Variants in VWA5B1 observed in about 807,000 individuals in gnomAD.
VWA5B1 encodes the protein von Willebrand factor A domain-containing protein 5B1.
In VWA5B1, 115 loss-of-function variants were observed where a neutral mutation model predicts 118.2. The observed-to-expected ratio is 0.97, with a 90% CI of 0.84 to 1.14. The LOEUF is 1.14. Ranked by LOEUF, VWA5B1 falls within the 50% of genes most tolerant of loss-of-function variation. The pLI, the probability that VWA5B1 is intolerant of heterozygous loss-of-function variation, is 0.00. For synonymous variants in VWA5B1, 682 were observed against 658.4 expected, an observed-to-expected ratio of 1.04 and a Z score of -0.55; for missense variants, 1,596 against 1,603.8, an observed-to-expected ratio of 1.00 and a Z score of 0.08.
chr1:20,342,701 G>A, intron 15 of VWA5B1, 92 bp downstream of exon 15: 1 of 1,389,968 alleles, frequency 7.2e-7, no homozygotes. Flanking sequence ...GAGGGCAGAT[G>A]CCTGGGTCTG....
At chr1:20,339,551 A>C (rs2089819343) in intron 14 of VWA5B1, among the ~76,000 whole-genome samples, 1 of 151,594 alleles carries the variant, frequency 6.6e-6, no homozygotes, top group Non-Finnish European at 1.5e-5. Context: ...CTCAAACAAA[A>C]CATCAAACAA....
At chr1:20,315,264 C>T (rs1415993141) in intron 4 of VWA5B1, among the ~76,000 whole-genome samples, 1 of 152,144 alleles carries the variant, frequency 6.6e-6, no homozygotes, top group Non-Finnish European at 1.5e-5. Context: ...CAGAGAAGAA[C>T]AGAAGCACAG....
intron 12 of VWA5B1, among the ~76,000 whole-genome samples, chr1:20,334,698 C>G (rs1490520395): frequency 6.6e-6 from 1 of 152,098 alleles, no homozygotes; most frequent in African/African-American, 2.4e-5. Context: ...GCAACCCCAG[C>G]TACTCGGGAG....
Position 20,354,472 on chromosome 1 carries a change from C to T in VWA5B1, c.*209C>T, listed in dbSNP as rs2090194404. The stretch of plus-strand genomic sequence containing the variant: ...ACTTTAGGCCAGTGCCTGCCCCCGT[C>T]TGGGCCTCAGTTTCCTCATCTATAA... On this transcript the variant is annotated 3_prime_UTR_variant, in exon 22 of 22. Transcript: ENST00000289815. The T allele has an allele frequency of 1.8e-5, 11 of 614,632 alleles. No homozygotes were observed. The South Asian group carries it at 2.3e-4, about 13-fold the overall frequency. The allele number at this position is 614,632 out of a possible 1,614,324, so 38.1% of individuals were successfully genotyped here. A position where few individuals can be genotyped will look rare whatever the true frequency, so the allele number is the denominator to read the frequency against.
intron 1 of VWA5B1, chr1:20,303,138 C>T (rs983414129): frequency 6.6e-6 from 1 of 152,150 alleles, no homozygotes; most frequent in African/African-American, 2.4e-5. Context: ...GCACGGGCTT[C>T]TAAAGGGGAC....
intron 1 of VWA5B1, among the ~76,000 whole-genome samples, chr1:20,302,656 C>A (rs576507251): frequency 6.6e-6 from 1 of 152,256 alleles, no homozygotes; most frequent in South Asian, 2.1e-4. Context: ...AATGGACACA[C>A]GGCACATGGA....
chr1:20,317,210 C>T (rs2089040279), intron 4 of VWA5B1, among the ~76,000 whole-genome samples: 4 of 150,712 alleles, frequency 2.7e-5, no homozygotes, highest in Admixed American at 2.0e-4. Context: ...TACCTCACCA[C>T]ACTGAGCTTC....
intron 17 of VWA5B1, among the ~76,000 whole-genome samples, chr1:20,346,770 C>T (rs1043838943): frequency 6.6e-6 from 1 of 152,216 alleles, no homozygotes; most frequent in Non-Finnish European, 1.5e-5. Context: ...TTTCAAATTA[C>T]ATTTTCCTGT....
intron 18 of VWA5B1, 35 bp downstream of exon 18, chr1:20,348,393 G>A: frequency 6.5e-7 from 1 of 1,549,432 alleles, no homozygotes; most frequent in Non-Finnish European, 8.7e-7. Flanking sequence ...GCCACCCTGG[G>A]CACTTTCGGA....
At chr1:20,307,046 T>G (rs1244219075) in intron 1 of VWA5B1, among the ~76,000 whole-genome samples, 8 of 152,078 alleles carry the variant, frequency 5.3e-5, no homozygotes, top group African/African-American at 1.7e-4. Context: ...CTGGTTTCTC[T>G]CACCTCACCA....
chr1:20,343,154 G>C lies in VWA5B1; in HGVS notation c.2387G>C (p.Arg796Pro), dbSNP rs1330892323. 1.9e-6 allele frequency: 3 copies of C among 1,548,024 alleles called. No individual in the cohort carries two copies. The highest frequency in any genetic ancestry group is 2.6e-6 in the Non-Finnish European group (3 of 1,145,336). ...DWDPPAESQE[R>P]ASPSRPATPA... Reference sequence around the variant, plus strand: ...GACCCCCCAGCCGAGTCCCAGGAGCGAGCCAGTCCCAGCAGGCCCGCCACC... The same window carrying C: ...GACCCCCCAGCCGAGTCCCAGGAGCCAGCCAGTCCCAGCAGGCCCGCCACC... Residue 796 changes from arginine to proline, a missense_variant, in exon 16 of 22, where the codon CGA becomes CCA. Physicochemically the swap from Arg to Pro is moderately radical, Grantham distance 103. Transcript: ENST00000289815.
intron 1 of VWA5B1, among the ~76,000 whole-genome samples, chr1:20,291,367 C>CTCTCTCTCTCTCTCTCTCTCTT (rs1557821981): frequency 7.2e-5 from 10 of 137,954 alleles, no homozygotes; most frequent in African/African-American, 3.2e-4. Context: ...CTTTCTCTCT[C>CTCTCTCTCTCTCTCTCTCTCTT]TCTCTCTCTC....
At chr1:20,307,548 T>C (rs2088695202) in intron 1 of VWA5B1, among the ~76,000 whole-genome samples, 1 of 152,260 alleles carries the variant, frequency 6.6e-6, no homozygotes, top group Non-Finnish European at 1.5e-5. Flanking sequence ...AATGAGATAA[T>C]ATATGTGCCT....
chr1:20,291,663 C>A (rs562093337), intron 1 of VWA5B1, among the ~76,000 whole-genome samples: 1 of 152,094 alleles, frequency 6.6e-6, no homozygotes, highest in Non-Finnish European at 1.5e-5. Context: ...GTGCCCACCC[C>A]GGCAGCCGGG....
rs767588751 is a variant in VWA5B1 at position 20,314,402 on chromosome 1, C to T, written c.373C>T (p.Arg125Trp). The T allele has an allele frequency of 2.7e-5, 42 of 1,552,022 alleles. No individual in the cohort carries two copies. Among genetic ancestry groups the T allele is most frequent in the South Asian group, 2.0e-4 (17 of 84,056 alleles). The change falls in exon 4 of 22, where the codon CGG (arginine) becomes TGG (tryptophan). Residue 125 changes from arginine to tryptophan, a missense_variant. Transcript: ENST00000289815. ...GGTGACCTTGGACGAGGATTTGGAG[C>T]GGATCCTGTTCGTGGCCAACCTGGG... ...GKVTLDEDLE[R>W]ILFVANLGTI...
At chr1:20,307,295 G>A (rs745758081) in intron 1 of VWA5B1, among the ~76,000 whole-genome samples, 1 of 152,164 alleles carries the variant, frequency 6.6e-6, no homozygotes, top group African/African-American at 2.4e-5. Context: ...GCCCACCTGA[G>A]GCCCAGGTTG....
chr1:20,319,321 C>T, intron 6 of VWA5B1, 61 bp from the exon 7 acceptor site: 1 of 1,542,260 alleles, frequency 6.5e-7, no homozygotes, highest in Admixed American at 2.0e-5. Context: ...AAACCAAAGC[C>T]CCCAGCATCC....
chr1:20,343,233 C>T lies in VWA5B1; in HGVS notation c.2466C>T (p.Arg822=). Residue 822 remains arginine, a synonymous_variant, in exon 16 of 22, where the codon CGC becomes CGT. Coordinates refer to ENST00000289815, the MANE Select transcript of VWA5B1 (RefSeq NM_001039500.3). The stretch of plus-strand genomic sequence containing the variant: ...TCAAAGGCCTGCACGACAGCCAACG[C>T]CTGCAGTGGGAGGTGAGCTTCGAGC... ...ALVKGLHDSQ[R]LQWEVSFELG... 6.5e-7 allele frequency: 1 copy of T among 1,549,508 alleles called. No individual in the cohort carries two copies.
At chr1:20,345,748 T>C (rs1428521765) in intron 17 of VWA5B1, among the ~76,000 whole-genome samples, 155 bp downstream of exon 17, 1 of 152,158 alleles carries the variant, frequency 6.6e-6, no homozygotes, top group Non-Finnish European at 1.5e-5. Context: ...ATTTGGCTGC[T>C]AGGGGGTGGG....
Sources: allele counts gnomAD v4.1 joint callset (sites outside exome capture counted in the v4.1 genomes callset), GRCh38; gene constraint gnomAD v4.1.1; transcripts MANE v1.5; gene names NCBI Gene and HGNC (gene_info 2026-07-23, HGNC 2026-07-21).